CFAP299: variants seen among roughly 807,000 people sequenced by gnomAD.
CFAP299 encodes cilia and flagella associated protein 299, also known as cilia- and flagella-associated protein 299.
Under a neutral mutation model 27.0 loss-of-function variants are expected in CFAP299, and 21 were observed. The observed-to-expected ratio is 0.78, with a 90% CI of 0.55 to 1.12. CFAP299 has a LOEUF of 1.12. Ranked by LOEUF, CFAP299 falls within the 50% of genes most tolerant of loss-of-function variation. The pLI, the probability that CFAP299 is intolerant of heterozygous loss-of-function variation, is 0.00. For synonymous variants in CFAP299, 104 were observed against 98.1 expected (o/e 1.06, Z -0.36); for missense variants, 310 against 276.6 (o/e 1.12, Z -0.86).
chr4:80,699,928 A>C (rs58000582), intron 3 of CFAP299, among the ~76,000 whole-genome samples: 6,942 of 152,260 alleles, frequency 0.046, 551 homozygotes, highest in African/African-American at 0.16. Context: ...TTAATATTAG[A>C]TACCTCCTTT....
chr4:80,582,198 TTTGAGA>T (rs1736206143), intron 2 of CFAP299, among the ~76,000 whole-genome samples: 1 of 151,918 alleles, frequency 6.6e-6, no homozygotes, highest in Non-Finnish European at 1.5e-5. Context: ...TGGTTTTAAA[TTTGAGA>T]TTAAGTGACT....
chr4:80,402,563 A>G (rs1308308490), intron 2 of CFAP299, among the ~76,000 whole-genome samples: 1 of 152,198 alleles, frequency 6.6e-6, no homozygotes. Context: ...TGTAAGTCCA[A>G]TTAAAACTCC....
In CFAP299 at chr4:80,854,780, C is replaced by A. The variant is rs190548049; in HGVS notation, c.334-15213C>A. Among the ~76,000 whole-genome samples the A allele has an allele frequency of 2.3e-4, 25 of 106,708 alleles. No individual in the cohort carries two copies. The East Asian group carries it at 8.0e-3, about 34-fold the overall frequency. The allele number at this position is 106,708 out of a possible 152,430, so 70.0% of individuals were successfully genotyped here. On this transcript the variant is annotated intron_variant, in intron 3 of 5. Transcript: ENST00000358105. ...TTACTGAGACCAGTCATCATAGTTT[C>A]TTTTTCTAGCCAAACTCAGCTGTTG...
At chr4:80,429,617 A>G (rs1425127254) in intron 2 of CFAP299, among the ~76,000 whole-genome samples, 1 of 152,118 alleles carries the variant, frequency 6.6e-6, no homozygotes, top group Non-Finnish European at 1.5e-5. Flanking sequence ...TTATTATAGC[A>G]TTACTCTGAA....
intron 3 of CFAP299, among the ~76,000 whole-genome samples, chr4:80,612,649 T>C (rs994001731): frequency 2.6e-5 from 4 of 152,150 alleles, no homozygotes; most frequent in African/African-American, 4.8e-5. Context: ...TTAAATAATT[T>C]TCTGTGGTTT....
intron 4 of CFAP299, among the ~76,000 whole-genome samples, chr4:80,882,456 G>A (rs1240932375): frequency 6.6e-6 from 1 of 152,090 alleles, no homozygotes; most frequent in Non-Finnish European, 1.5e-5. Flanking sequence ...GGCTAACACG[G>A]TGAAACCCCG....
chr4:80,870,320 G>T (rs1733008203), intron 4 of CFAP299, 185 bp downstream of exon 4: 3 of 1,249,176 alleles, frequency 2.4e-6, no homozygotes. Context: ...TCCTTTAACA[G>T]CCTGAGAAAA....
intron 5 of CFAP299, among the ~76,000 whole-genome samples, chr4:80,960,461 G>T (rs918089313): frequency 6.6e-6 from 1 of 151,804 alleles, no homozygotes; most frequent in Non-Finnish European, 1.5e-5. Context: ...AATATTAACA[G>T]TTATCAACTA....
chr4:80,518,485 T>C (rs1732700210), intron 2 of CFAP299, among the ~76,000 whole-genome samples: 1 of 152,082 alleles, frequency 6.6e-6, no homozygotes, highest in Admixed American at 6.6e-5. Context: ...CAAGCTTGAA[T>C]TAGGGCAAGA....
intron 5 of CFAP299, among the ~76,000 whole-genome samples, chr4:80,948,878 A>T (rs1737615430): frequency 6.6e-6 from 1 of 152,154 alleles, no homozygotes; most frequent in African/African-American, 2.4e-5. Context: ...AAAGTTAATG[A>T]GTAAATTATG....
chr4:80,752,693 T>A (rs948436761), intron 3 of CFAP299, among the ~76,000 whole-genome samples: 1 of 151,774 alleles, frequency 6.6e-6, no homozygotes, highest in African/African-American at 2.4e-5. Context: ...TGCTTTTTAT[T>A]GTTTCTTTGT....
chr4:80,458,272 G>T (rs895692656), intron 2 of CFAP299, among the ~76,000 whole-genome samples: 4 of 152,142 alleles, frequency 2.6e-5, no homozygotes, highest in African/African-American at 4.8e-5. Context: ...TTTTCTTCCT[G>T]AGTTAAAGGA....
intron 4 of CFAP299, among the ~76,000 whole-genome samples, chr4:80,939,935 T>C (rs1737106592): frequency 6.6e-6 from 1 of 152,138 alleles, no homozygotes; most frequent in Non-Finnish European, 1.5e-5. Flanking sequence ...AGCCAGGTGT[T>C]GAGAGCCTCC....
intron 3 of CFAP299, among the ~76,000 whole-genome samples, chr4:80,695,348 C>G (rs1721019103): frequency 6.6e-6 from 1 of 152,142 alleles, no homozygotes. Flanking sequence ...TTTTTGACCA[C>G]CTAGCTTCTT....
chr4:80,434,750 G>A (rs188906833), intron 2 of CFAP299, among the ~76,000 whole-genome samples: 1 of 152,326 alleles, frequency 6.6e-6, no homozygotes, highest in East Asian at 1.9e-4. Flanking sequence ...CTAGATATGT[G>A]ATGTATTATA....
intron 4 of CFAP299, among the ~76,000 whole-genome samples, chr4:80,891,285 C>T (rs1288277406): frequency 6.6e-6 from 1 of 150,656 alleles, no homozygotes; most frequent in Non-Finnish European, 1.5e-5. Flanking sequence ...ATATGGCTAG[C>T]CAGTTTTCCC....
intron 3 of CFAP299, among the ~76,000 whole-genome samples, chr4:80,664,081 G>T (rs2109985024): frequency 6.6e-6 from 1 of 152,214 alleles, no homozygotes; most frequent in South Asian, 2.1e-4. Flanking sequence ...CCATCTGTAG[G>T]TTGCCTGTTC....
Position 80,588,398 on chromosome 4 carries a change from A to G in CFAP299, c.333+5215A>G, listed in dbSNP as rs113669937. Among the ~76,000 whole-genome samples, 42 of 145,952 alleles carry G rather than the reference A, an allele frequency of 2.9e-4. 3 individuals carry two copies. Among genetic ancestry groups the G allele is most frequent in the African/African-American group, 8.2e-4 (30 of 36,444 alleles). On this transcript the variant is annotated intron_variant, in intron 3 of 5. Coordinates refer to ENST00000358105, the MANE Select transcript of CFAP299 (RefSeq NM_152770.3). The stretch of plus-strand genomic sequence containing the variant: ...AAGCTTAGTTCTAGCCATTTTAGGG[A>G]AAAAAAAAGTATGTCATTGTTTCAA...
chr4:80,708,589 T>C (rs1493175), intron 3 of CFAP299, among the ~76,000 whole-genome samples: 1,666 of 152,228 alleles, frequency 0.011, 33 homozygotes, highest in African/African-American at 0.036. Flanking sequence ...AAAATATTTA[T>C]GAAAAAGTGC....
Sources: allele counts gnomAD v4.1 joint callset (sites outside exome capture counted in the v4.1 genomes callset), GRCh38; gene constraint gnomAD v4.1.1; transcripts MANE v1.5; gene names NCBI Gene and HGNC (gene_info 2026-07-23, HGNC 2026-07-21).